MRPL48: variants seen among roughly 807,000 people sequenced by gnomAD.
The protein encoded by MRPL48 is mitochondrial ribosomal protein L48, also known as large ribosomal subunit protein mL48.
A neutral mutation model predicts 32.9 loss-of-function variants in MRPL48; 16 were observed. The ratio of observed to expected loss-of-function variants is 0.49; its 90% CI spans 0.33 to 0.74. The LOEUF (loss-of-function observed/expected upper bound fraction) is 0.74, where lower values mean the gene tolerates loss of function less well. Ranked by LOEUF, MRPL48 falls within the 30% of genes least tolerant of loss-of-function variation. The probability of loss-of-function intolerance (pLI) is 0.02; values close to 1 mark genes in which losing one functional copy is unlikely to be tolerated. For synonymous variants in MRPL48, 94 were observed against 89.2 expected, an observed-to-expected ratio of 1.05 and a Z score of -0.31; for missense variants, 206 against 245.3, an observed-to-expected ratio of 0.84 and a Z score of 1.07.
At chr11:73,835,758 C>T (rs1309737977) in intron 4 of MRPL48, among the ~76,000 whole-genome samples, 4 of 151,852 alleles carry the variant, frequency 2.6e-5, no homozygotes, top group African/African-American at 9.7e-5. Context: ...ATTACCCAGA[C>T]ATGGTGGCAG....
intron 3 of MRPL48, among the ~76,000 whole-genome samples, chr11:73,821,244 C>T (rs1456260169): frequency 1.3e-5 from 2 of 152,066 alleles, no homozygotes; most frequent in Non-Finnish European, 1.5e-5. Flanking sequence ...ATCCTCCTGC[C>T]TCAGCCTCCC....
intron 4 of MRPL48, among the ~76,000 whole-genome samples, chr11:73,837,692 C>T (rs1198777376): frequency 6.6e-6 from 1 of 152,192 alleles, no homozygotes; most frequent in Non-Finnish European, 1.5e-5. Context: ...GAATCTAGGC[C>T]ATAGGAGTGC....
intron 3 of MRPL48, among the ~76,000 whole-genome samples, chr11:73,819,444 T>C (rs1001237065): frequency 1.4e-4 from 21 of 152,224 alleles, no homozygotes; most frequent in African/African-American, 4.8e-4. Context: ...TGAGTTTTCT[T>C]TTTTATTTAC....
chr11:73,788,150 C>T (rs1947078115), intron 1 of MRPL48, among the ~76,000 whole-genome samples, 158 bp downstream of exon 1: 1 of 151,946 alleles, frequency 6.6e-6, no homozygotes. Flanking sequence ...CATGCGGCTG[C>T]CTGGCGTTGA....
At chr11:73,810,055 C>T (rs182782052) in intron 3 of MRPL48, among the ~76,000 whole-genome samples, 4 of 152,180 alleles carry the variant, frequency 2.6e-5, no homozygotes, top group Admixed American at 2.6e-4. Flanking sequence ...GGATATAGTC[C>T]TTGCTATTTA....
intron 4 of MRPL48, among the ~76,000 whole-genome samples, chr11:73,826,774 C>CTTTTTTTTTT (rs71065041): frequency 9.2e-6 from 1 of 108,936 alleles, no homozygotes; most frequent in Non-Finnish European, 1.9e-5. Flanking sequence ...ACTGTATTTT[C>CTTTTTTTTTT]TTTTTTTTTT....
intron 1 of MRPL48, among the ~76,000 whole-genome samples, chr11:73,788,472 C>CTTTTTTTTTT (rs11352308): frequency 4.9e-4 from 54 of 109,586 alleles, no homozygotes; most frequent in Non-Finnish European, 7.2e-4. Flanking sequence ...TCTTTTCTTT[C>CTTTTTTTTTT]TTTTTTTTTT....
At chr11:73,823,591 C>A (rs938713266) in intron 3 of MRPL48, among the ~76,000 whole-genome samples, 1 of 149,676 alleles carries the variant, frequency 6.7e-6, no homozygotes, top group Admixed American at 6.7e-5. Context: ...TTCTAGAATA[C>A]AAAAATCTAG....
chr11:73,789,644 A>G (rs956986541), intron 1 of MRPL48, among the ~76,000 whole-genome samples: 1 of 152,234 alleles, frequency 6.6e-6, no homozygotes, highest in African/African-American at 2.4e-5. Flanking sequence ...GATGCCCACC[A>G]CATGGAATTG....
At chr11:73,844,607 T>C (rs1277378704) in intron 4 of MRPL48, among the ~76,000 whole-genome samples, 200 bp from the exon 5 acceptor site, 1 of 152,194 alleles carries the variant, frequency 6.6e-6, no homozygotes, top group Admixed American at 6.5e-5. Context: ...TCTCCTTGCA[T>C]TGGCTGATGT....
intron 6 of MRPL48, 93 bp from the exon 7 acceptor site, chr11:73,863,079 A>G (rs1406164218): frequency 4.5e-5 from 49 of 1,100,616 alleles, no homozygotes; most frequent in Non-Finnish European, 6.5e-5. Flanking sequence ...TCCAGACTCT[A>G]CTGGAGCTGG....
At chr11:73,843,618 A>C in intron 4 of MRPL48, among the ~76,000 whole-genome samples, 1 of 152,190 alleles carries the variant, frequency 6.6e-6, no homozygotes, top group Non-Finnish European at 1.5e-5. Flanking sequence ...TAATTATTCT[A>C]CCTTTCAGTT....
Position 73,812,752 on chromosome 11 carries a change from A to ATTTT in MRPL48, c.112+4405_112+4408dup, listed in dbSNP as rs1371868346. ...TATATATATATATATTTATTTATTTATTTTTTATTGTTTTTGAGACTGAGT... is the reference window on the plus strand; with the variant it reads ...TATATATATATATATTTATTTATTTATTTTTTTTTTATTGTTTTTGAGACTGAGT... On this transcript the variant is annotated intron_variant, in intron 3 of 7. Coordinates refer to ENST00000310614, the MANE Select transcript of MRPL48 (RefSeq NM_016055.6). Among the ~76,000 whole-genome samples the ATTTT allele has an allele frequency of 2.5e-4, 37 of 145,996 alleles. 1 individual carries two copies. The South Asian group carries it at 7.2e-3, about 29-fold the overall frequency.
At chr11:73,816,074 T>C (rs1047892903) in intron 3 of MRPL48, among the ~76,000 whole-genome samples, 3 of 151,306 alleles carry the variant, frequency 2.0e-5, no homozygotes, top group African/African-American at 7.3e-5. Context: ...ATTTATTTAT[T>C]TATTTGAGAG....
At chr11:73,803,457 A>T (rs1419365750) in intron 1 of MRPL48, among the ~76,000 whole-genome samples, 5 of 151,886 alleles carry the variant, frequency 3.3e-5, no homozygotes, top group Admixed American at 2.0e-4. Context: ...TTTATAATTA[A>T]TGAGCCAATA....
In MRPL48 at chr11:73,859,974, G is replaced by A. The variant is rs1289195789; in HGVS notation, c.439G>A (p.Asp147Asn). ...GGACCAAGGCAGCAAAATGCTCCTGGACTCAGTGCTTACCACCCATGAGCG... is the reference window on the plus strand; with the variant it reads ...GGACCAAGGCAGCAAAATGCTCCTGAACTCAGTGCTTACCACCCATGAGCG... The part of the protein sequence containing the change: ...LQDQGSKMLL[D>N]SVLTTHERVV... Residue 147 changes from aspartate (D) to asparagine (N), a missense_variant, in exon 6 of 8, where the codon GAC becomes AAC. Asp to Asn is a conservative substitution (Grantham distance 23). Coordinates refer to ENST00000310614, the MANE Select transcript of MRPL48 (RefSeq NM_016055.6). The A allele has an allele frequency of 1.2e-6, 2 of 1,613,736 alleles. No homozygotes were observed. The highest frequency in any genetic ancestry group is 8.5e-7 in the Non-Finnish European group (1 of 1,179,880).
chr11:73,823,105 T>A (rs921681302), intron 3 of MRPL48: 1 of 352,300 alleles, frequency 2.8e-6, no homozygotes, highest in African/African-American at 2.1e-5. Flanking sequence ...TATATTACAA[T>A]GTAATAATAA....
chr11:73,832,499 T>G (rs1948014416), intron 4 of MRPL48: 1 of 152,696 alleles, frequency 6.5e-6, no homozygotes. Flanking sequence ...GCTAGTCATA[T>G]ACCCTTGACT....
At chr11:73,808,650 G>T (rs563135397) in intron 3 of MRPL48, among the ~76,000 whole-genome samples, 1 of 152,250 alleles carries the variant, frequency 6.6e-6, no homozygotes, top group South Asian at 2.1e-4. Flanking sequence ...GGCCGGGTGC[G>T]GTGGCTCACG....
Sources: allele counts gnomAD v4.1 joint callset (sites outside exome capture counted in the v4.1 genomes callset), GRCh38; gene constraint gnomAD v4.1.1; transcripts MANE v1.5; gene names NCBI Gene and HGNC (gene_info 2026-07-23, HGNC 2026-07-21).